Variants in ATP13A3 observed in about 807,000 individuals in gnomAD.
ATP13A3 encodes ATPase 13A3.
ATP13A3 carries 59 observed loss-of-function variants against 158.1 expected under a neutral mutation model. The ratio of observed to expected loss-of-function variants is 0.37; its 90% CI spans 0.30 to 0.46. ATP13A3 has a LOEUF of 0.46. Ranked by LOEUF, ATP13A3 falls within the 20% of genes least tolerant of loss-of-function variation. ATP13A3 has a pLI of 1.00. For missense variants in ATP13A3, 1,166 were observed against 1,525.2 expected, an observed-to-expected ratio of 0.76 and a Z score of 3.92; for synonymous variants, 491 against 504.3, an observed-to-expected ratio of 0.97 and a Z score of 0.35.
chr3:194,415,661 C>CTGTTTTTTTTTTTTTTTTTT (rs1208643552), intron 31 of ATP13A3, among the ~76,000 whole-genome samples: 6 of 90,928 alleles, frequency 6.6e-5, no homozygotes, highest in East Asian at 3.2e-4. Context: ...ATACCACATT[C>CTGTTTTTTTTTTTTTTTTTT]TTTTTTTTTT....
At chr3:194,449,308 A>G (rs551100032) in intron 11 of ATP13A3, among the ~76,000 whole-genome samples, 76 of 152,296 alleles carry the variant, frequency 5.0e-4, no homozygotes, top group African/African-American at 1.8e-3. Flanking sequence ...GACTCTTAAC[A>G]GTTTCAAAAT....
At chr3:194,406,189 TA>T in intron 33 of ATP13A3, 73 bp from the exon 34 acceptor site, 3 of 1,450,186 alleles carry the variant, frequency 2.1e-6, no homozygotes, top group Non-Finnish European at 2.9e-6. Flanking sequence ...ACAGGTTTGT[TA>T]AAGCACACAT....
At chr3:194,476,394 G>A (rs554390733) in intron 2 of ATP13A3, among the ~76,000 whole-genome samples, 1 of 152,108 alleles carries the variant, frequency 6.6e-6, no homozygotes, top group African/African-American at 2.4e-5. Context: ...CACTCAATAG[G>A]TTCATTTTCT....
chr3:194,431,329 A>G (rs1156864638), intron 22 of ATP13A3, 103 bp from the exon 23 acceptor site: 4 of 1,305,690 alleles, frequency 3.1e-6, no homozygotes, highest in Non-Finnish European at 4.2e-6. Context: ...TTCATTTGAT[A>G]TGTTCCACAA....
At chr3:194,450,454 T>C in intron 10 of ATP13A3, 178 bp from the exon 11 acceptor site, 1 of 594,906 alleles carries the variant, frequency 1.7e-6, no homozygotes, top group Non-Finnish European at 2.9e-6. Flanking sequence ...CAAAGCACGG[T>C]GTGTCAGCTA....
chr3:194,469,006 C>A (rs954836629), intron 2 of ATP13A3, among the ~76,000 whole-genome samples: 1 of 151,458 alleles, frequency 6.6e-6, no homozygotes, highest in African/African-American at 2.4e-5. Flanking sequence ...AGGTAGCATG[C>A]GCCTGTAATC....
chr3:194,459,794 G>T lies in ATP13A3; in HGVS notation c.403C>A (p.Gln135Lys), dbSNP rs372852497. 3.2e-5 allele frequency: 52 copies of T among 1,608,514 alleles called. No homozygotes were observed. The highest frequency in any genetic ancestry group is 1.0e-4 in the Admixed American group (6 of 59,420). The change falls in exon 5 of 34, where the codon CAA (glutamine) becomes AAA (lysine). Residue 135 changes from glutamine (Q) to lysine (K), a missense_variant. Transcript: ENST00000645319. ...TGACATTAAGATCACAATACCTGTT[G>T]TGATTCAGTCTGTGAATATTTACTG... ...RISKYSQTES[Q>K]QIRYFTHHSV...
intron 33 of ATP13A3, among the ~76,000 whole-genome samples, chr3:194,410,098 G>A (rs1282092107): frequency 6.6e-6 from 1 of 151,544 alleles, no homozygotes; most frequent in African/African-American, 2.4e-5. Flanking sequence ...GGGCCCACCT[G>A]CTCTGGACCA....
intron 10 of ATP13A3, chr3:194,452,218 A>C (rs1042580572): frequency 6.6e-6 from 1 of 151,886 alleles, no homozygotes; most frequent in Non-Finnish European, 1.5e-5. Context: ...GCTGGGTGTG[A>C]TGGTGTGTAC....
In ATP13A3 at chr3:194,447,147, C is replaced by G. The variant is rs564207400; in HGVS notation, c.1309-32G>C. 45 of 1,546,958 alleles carry G rather than the reference C, an allele frequency of 2.9e-5. No individual in the cohort carries two copies. In the African/African-American group the frequency reaches 3.6e-4, roughly 12 times the overall value. ...TTAACACAAAAATAAATGTCAAATCCCCAGTATTATTTACGGATTTAATAT... is the reference window on the plus strand; with the variant it reads ...TTAACACAAAAATAAATGTCAAATCGCCAGTATTATTTACGGATTTAATAT... On this transcript the variant is annotated intron_variant, in intron 13 of 33. Transcript: ENST00000645319.
At chr3:194,488,648 T>C (rs1721096728), upstream of ATP13A3, 2 of 152,360 alleles carry the variant, frequency 1.3e-5, no homozygotes, top group Admixed American at 6.5e-5. The surrounding 1 kb of genome is among the most constrained non-coding windows in gnomAD (Gnocchi z 4.1). Flanking sequence ...ATTTGACACC[T>C]TGGGATGACT....
At chr3:194,475,184 C>T (rs1332398023) in intron 2 of ATP13A3, among the ~76,000 whole-genome samples, 3 of 152,114 alleles carry the variant, frequency 2.0e-5, no homozygotes, top group African/African-American at 7.2e-5. Flanking sequence ...AACATATAAA[C>T]CTCAGAAATG....
chr3:194,492,325 A>G (rs1721156074), intron 2 of ATP13A3, among the ~76,000 whole-genome samples: 2 of 152,148 alleles, frequency 1.3e-5, no homozygotes, highest in African/African-American at 2.4e-5. Context: ...GCTTAAATGC[A>G]TATACAGTTG....
intron 30 of ATP13A3, among the ~76,000 whole-genome samples, chr3:194,422,405 G>C (rs1716454413): frequency 6.6e-6 from 1 of 152,188 alleles, no homozygotes. Context: ...TGTGTCACTG[G>C]TGACTGCAGG....
chr3:194,479,498 A>C (rs1178584534), intron 2 of ATP13A3, among the ~76,000 whole-genome samples: 2 of 152,112 alleles, frequency 1.3e-5, no homozygotes, highest in African/African-American at 4.8e-5. Context: ...ATTGTAAATG[A>C]GCTTAGAAAA....
intron 21 of ATP13A3, chr3:194,432,172 T>A (rs887694596): frequency 2.8e-6 from 1 of 352,436 alleles, no homozygotes; most frequent in Non-Finnish European, 5.1e-6. Context: ...ATGCACTATT[T>A]GTATCTACAC....
intron 28 of ATP13A3, among the ~76,000 whole-genome samples, chr3:194,428,515 T>C (rs777507888): frequency 2.6e-5 from 4 of 152,184 alleles, no homozygotes; most frequent in Non-Finnish European, 5.9e-5. Context: ...CCAGATATTA[T>C]ATCAATGTTA....
chr3:194,417,284 C>A (rs1367621776), intron 31 of ATP13A3, among the ~76,000 whole-genome samples: 1 of 151,874 alleles, frequency 6.6e-6, no homozygotes, highest in African/African-American at 2.4e-5. Flanking sequence ...TAGAGCCAGG[C>A]GTTGTGGCAG....
chr3:194,456,290 TATTTTTTGCAAG>T (rs1379461264), intron 7 of ATP13A3, among the ~76,000 whole-genome samples: 1 of 151,778 alleles, frequency 6.6e-6, no homozygotes, highest in East Asian at 1.9e-4. Flanking sequence ...GAATTACAAT[TATTTTTTGCAAG>T]AAGCCAAATA....
Sources: gnomAD v4.1 joint callset for allele counts (sites outside exome capture counted in the v4.1 genomes callset) on GRCh38, gnomAD v4.1.1 for gene constraint, Gnocchi (gnomAD v3.1) non-coding constraint, MANE v1.5 for transcripts, NCBI Gene and HGNC (gene_info 2026-07-23, HGNC 2026-07-21) for gene names.